The following STK3 variants were observed in gnomAD, a reference collection of about 807,000 sequenced individuals.
The protein encoded by STK3 is serine/threonine kinase 3.
Under a neutral mutation model 58.0 loss-of-function variants are expected in STK3, and 41 were observed. The observed-to-expected ratio is 0.71, with a 90% CI of 0.55 to 0.92. The LOEUF is 0.92. Ranked by LOEUF, STK3 falls within the 40% of genes least tolerant of loss-of-function variation. STK3 has a pLI of 0.00. For missense variants in STK3, 479 were observed against 602.7 expected (o/e 0.79, Z 2.15); for synonymous variants, 170 against 191.0 (o/e 0.89, Z 0.91).
chr8:98,883,580 C>G (rs559858038), downstream of STK3: 3 of 674,582 alleles, frequency 4.4e-6, no homozygotes, highest in South Asian at 4.7e-5. Context: ...CAATAAACAT[C>G]TAAAGGAACG....
At chr8:98,904,432 TAGA>T (rs1473670191) in intron 1 of STK3, among the ~76,000 whole-genome samples, 2 of 152,096 alleles carry the variant, frequency 1.3e-5, no homozygotes, top group African/African-American at 4.8e-5. Flanking sequence ...AAAGTCAACT[TAGA>T]AGAATTAAAT....
chr8:98,918,868 T>C (rs978032760), intron 1 of STK3, among the ~76,000 whole-genome samples: 1 of 151,892 alleles, frequency 6.6e-6, no homozygotes, highest in Non-Finnish European at 1.5e-5. Flanking sequence ...AGCAGAGAAT[T>C]TGACAATCAG....
chr8:98,526,567 A>T (rs1232335616), intron 10 of STK3, 175 bp downstream of exon 10: 3 of 446,290 alleles, frequency 6.7e-6, no homozygotes, highest in African/African-American at 2.0e-5. Context: ...TCTATAAGCA[A>T]GCTACAGTTT....
At chr8:98,729,645 T>C (rs1465862957) in intron 4 of STK3, among the ~76,000 whole-genome samples, 2 of 152,208 alleles carry the variant, frequency 1.3e-5, no homozygotes, top group Admixed American at 6.5e-5. Context: ...AGTGAGATGA[T>C]AGGATAAGGA....
At chr8:98,624,815 C>T (rs1455414828) in intron 6 of STK3, among the ~76,000 whole-genome samples, 2 of 151,568 alleles carry the variant, frequency 1.3e-5, no homozygotes, top group African/African-American at 4.9e-5. Context: ...GATCGTGCCA[C>T]TGCACTCAAG....
intron 1 of STK3, among the ~76,000 whole-genome samples, chr8:98,885,757 A>C (rs952551002): frequency 6.6e-5 from 10 of 152,142 alleles, no homozygotes; most frequent in Non-Finnish European, 5.9e-5. Flanking sequence ...GTTTTTATTT[A>C]ATAGAAAAGC....
chr8:98,752,821 A>C (rs1163364581), intron 3 of STK3, among the ~76,000 whole-genome samples: 2 of 152,172 alleles, frequency 1.3e-5, no homozygotes, highest in Non-Finnish European at 2.9e-5. Context: ...TTTCAAAAGA[A>C]GACCTACATG....
intron 1 of STK3, among the ~76,000 whole-genome samples, chr8:98,790,364 G>GT (rs1449061211): frequency 6.6e-6 from 1 of 152,132 alleles, no homozygotes; most frequent in Non-Finnish European, 1.5e-5. Flanking sequence ...TGCAGTGATG[G>GT]TTTAACATAC....
chr8:98,396,700 TGGG>T (rs1247427971), downstream of STK3, among the ~76,000 whole-genome samples: 1 of 152,180 alleles, frequency 6.6e-6, no homozygotes, highest in Admixed American at 6.5e-5. Context: ...TCCCACTCCC[TGGG>T]AGGCAGTGAC....
At chr8:98,832,546 G>C (rs891630571) in intron 3 of STK3, among the ~76,000 whole-genome samples, 5 of 152,144 alleles carry the variant, frequency 3.3e-5, no homozygotes, top group African/African-American at 1.2e-4. Context: ...AGTCCAGCAA[G>C]TCTTTCAAAA....
intron 9 of STK3, among the ~76,000 whole-genome samples, chr8:98,530,636 T>C (rs1002039714): frequency 2.6e-5 from 4 of 152,228 alleles, no homozygotes; most frequent in Non-Finnish European, 5.9e-5. Context: ...TCTTAAATAA[T>C]ACCGCAGTGA....
chr8:98,555,240 T>C (rs987806823), intron 8 of STK3, among the ~76,000 whole-genome samples: 2 of 152,134 alleles, frequency 1.3e-5, no homozygotes, highest in Non-Finnish European at 2.9e-5. Context: ...TAGTAGATAT[T>C]TGTAATATCT....
At chr8:98,391,973 A>AT (rs1482731498), upstream of STK3, among the ~76,000 whole-genome samples, 1 of 152,180 alleles carries the variant, frequency 6.6e-6, no homozygotes, top group East Asian at 1.9e-4. Flanking sequence ...AGAAAACATG[A>AT]TTTAGTTCAC....
intron 10 of STK3, chr8:98,463,147 A>G (rs571393346): frequency 9.0e-4 from 137 of 152,304 alleles, no homozygotes; most frequent in African/African-American, 3.0e-3. Context: ...AGTTTCCTTG[A>G]TATGAGTTAT....
chr8:98,772,202 T>TATTATA (rs1831356869), intron 2 of STK3, among the ~76,000 whole-genome samples: 1 of 152,358 alleles, frequency 6.6e-6, no homozygotes, highest in Non-Finnish European at 1.5e-5. Context: ...GATTTTGTCA[T>TATTATA]ATTATAATTA....
At chr8:98,348,455 A>G in the STK3 span, among the ~76,000 whole-genome samples, 3 of 152,254 alleles carry the variant, frequency 2.0e-5, no homozygotes, top group East Asian at 5.8e-4. Context: ...GCTTTGCAAA[A>G]GACATTGTCA....
At chr8:98,479,360 G>A (rs1371541974) in intron 10 of STK3, among the ~76,000 whole-genome samples, 1 of 151,860 alleles carries the variant, frequency 6.6e-6, no homozygotes, top group East Asian at 1.9e-4. Flanking sequence ...GGCAGTGGGT[G>A]CCTGTAATCC....
chr8:98,598,950 T>C, intron 6 of STK3: 2 of 960,404 alleles, frequency 2.1e-6, no homozygotes, highest in South Asian at 9.6e-5. Context: ...ATGTCATGCC[T>C]TAGACTGCAA....
At chr8:98,673,159 G>A (rs867725547) in intron 6 of STK3, among the ~76,000 whole-genome samples, 1 of 152,148 alleles carries the variant, frequency 6.6e-6, no homozygotes, top group African/African-American at 2.4e-5. Flanking sequence ...TTGCCTCAAT[G>A]TTATATAATT....
Sources: gnomAD v4.1 joint callset for allele counts (sites outside exome capture counted in the v4.1 genomes callset) on GRCh38, gnomAD v4.1.1 for gene constraint, MANE v1.5 for transcripts, NCBI Gene and HGNC (gene_info 2026-07-23, HGNC 2026-07-21) for gene names.